Variants in SEC16B observed in about 807,000 individuals in gnomAD.
SEC16B encodes protein transport protein Sec16B.
SEC16B carries 115 observed loss-of-function variants against 141.8 expected under a neutral mutation model. The observed-to-expected ratio is 0.81, with a 90% CI of 0.70 to 0.95. SEC16B has a LOEUF of 0.95. Ranked by LOEUF, SEC16B falls within the 40% of genes least tolerant of loss-of-function variation. The pLI is 0.00. For missense variants in SEC16B, 1,291 were observed against 1,312.3 expected (o/e 0.98, Z 0.25); for synonymous variants, 493 against 492.5 (o/e 1.00, Z -0.01).
intron 17 of SEC16B, among the ~76,000 whole-genome samples, chr1:177,940,143 C>T (rs1462142263): frequency 6.6e-6 from 1 of 152,208 alleles, no homozygotes; most frequent in East Asian, 1.9e-4. Flanking sequence ...ATGGAGGAGG[C>T]CCTGTTCCAA....
chr1:177,974,596 T>A (rs1316537018), upstream of SEC16B, among the ~76,000 whole-genome samples: 1 of 136,556 alleles, frequency 7.3e-6, no homozygotes, highest in African/African-American at 3.0e-5. Context: ...ATTAAGAGGT[T>A]TGATGATCTT....
rs531546699 is a variant in SEC16B at position 177,952,191 on chromosome 1, C to T, written c.1464-196G>A. Among the ~76,000 whole-genome samples the T allele has an allele frequency of 2.6e-5, 4 of 152,344 alleles. No homozygotes were observed. The South Asian group carries it at 8.3e-4, about 32-fold the overall frequency. On this transcript the variant is annotated intron_variant, in intron 11 of 25. Transcript: ENST00000308284. ...ATGGCAGGATCCTCATTCTACCGCACACCCCAGCTAGATCTCATAGTTGAG... is the reference window on the plus strand; with the variant it reads ...ATGGCAGGATCCTCATTCTACCGCATACCCCAGCTAGATCTCATAGTTGAG...
At chr1:177,948,776 A>G (rs1403635554) in intron 12 of SEC16B, 1 of 989,708 alleles carries the variant, frequency 1.0e-6, no homozygotes, top group African/African-American at 1.7e-5. Context: ...AATGTCTCTG[A>G]ACCTTTGTTT....
intron 20 of SEC16B, among the ~76,000 whole-genome samples, chr1:177,935,360 T>C (rs10489882): frequency 0.35 from 53,765 of 152,008 alleles, 10,092 homozygotes; most frequent in Middle Eastern, 0.43. Flanking sequence ...TTTCATAAAA[T>C]CAATTTCGTC....
At position 177,966,027 on chromosome 1, in the gene SEC16B, T is replaced by A. The variant is rs758879913; in HGVS notation, c.300-22A>T. ...TGGCCTAAAATATCACAAAGAAGACTGGTCAGTTGAGGACAAGGGTAGTAA... is the reference window on the plus strand; with the variant it reads ...TGGCCTAAAATATCACAAAGAAGACAGGTCAGTTGAGGACAAGGGTAGTAA... On this transcript the variant is annotated intron_variant, in intron 2 of 25. Coordinates refer to ENST00000308284, the MANE Select transcript of SEC16B (RefSeq NM_033127.4). 1.2e-5 allele frequency: 18 copies of A among 1,442,870 alleles called. No individual in the cohort carries two copies. The Admixed American group carries it at 2.7e-4, about 22-fold the overall frequency. 89.4% of individuals were successfully genotyped at this position (1,442,870 alleles called of 1,614,324 possible). A position where few individuals can be genotyped will look rare whatever the true frequency, so the allele number is the denominator to read the frequency against.
In SEC16B at chr1:177,964,155, C is replaced by A. The variant is rs201534252; in HGVS notation, c.642+16G>T. 1.4e-5 allele frequency: 22 copies of A among 1,587,410 alleles called. No individual in the cohort carries two copies. In the South Asian group the frequency reaches 2.5e-4, roughly 18 times the overall value. On this transcript the variant is annotated intron_variant, in intron 5 of 25. Coordinates refer to ENST00000308284, the MANE Select transcript of SEC16B (RefSeq NM_033127.4). ...ACATGGCCACAGTCTCCAGCCCCCA[C>A]GTCACTTTAGGTTACCTTATTTTTC... is the stretch of plus-strand genomic sequence containing the variant.
intron 14 of SEC16B, 37 bp from the exon 15 acceptor site, chr1:177,944,703 G>A (rs1205883336): frequency 1.3e-6 from 2 of 1,549,790 alleles, no homozygotes; most frequent in Non-Finnish European, 1.8e-6. Context: ...AGATTGAGGT[G>A]TGGGGGACGC....
At chr1:177,959,307 T>G in intron 8 of SEC16B, 1 of 349,718 alleles carries the variant, frequency 2.9e-6, no homozygotes, top group Non-Finnish European at 5.5e-6. Context: ...CTTCTCTGTT[T>G]AGACAAGTTT....
At chr1:177,971,417 T>G (rs1295392342), upstream of SEC16B, 1 of 152,188 alleles carries the variant, frequency 6.6e-6, no homozygotes, top group African/African-American at 2.4e-5. Context: ...GCTGTGAAGT[T>G]TGGCTCTCTA....
intron 7 of SEC16B, 183 bp from the exon 8 acceptor site, chr1:177,960,586 C>T (rs1329469613): frequency 1.0e-5 from 7 of 697,426 alleles, no homozygotes; most frequent in Non-Finnish European, 1.7e-5. Context: ...TCAGGAAAAA[C>T]ACAACTGTAG....
At chr1:177,955,936 T>G (rs1254354566) in intron 10 of SEC16B, among the ~76,000 whole-genome samples, 1 of 152,164 alleles carries the variant, frequency 6.6e-6, no homozygotes, top group Non-Finnish European at 1.5e-5. Context: ...CTATAGGGGG[T>G]TTAGTTAAAT....
chr1:177,946,386 G>T, intron 14 of SEC16B, 34 bp downstream of exon 14: 1 of 1,437,640 alleles, frequency 7.0e-7, no homozygotes, highest in Non-Finnish European at 9.6e-7. Flanking sequence ...CTTGGAAAAT[G>T]TCCTTACTGT....
intron 2 of SEC16B, among the ~76,000 whole-genome samples, chr1:177,966,308 CACAT>C (rs1653515659): frequency 6.6e-6 from 1 of 151,864 alleles, no homozygotes; most frequent in African/African-American, 2.4e-5. Flanking sequence ...ACTCCCCAAA[CACAT>C]ACATATTATC....
chr1:177,971,298 T>G (rs1304118343), upstream of SEC16B: 1 of 152,150 alleles, frequency 6.6e-6, no homozygotes, highest in Non-Finnish European at 1.5e-5. Context: ...GCCAGGCTGG[T>G]CTCAAACTCC....
intron 11 of SEC16B, among the ~76,000 whole-genome samples, chr1:177,953,398 C>A (rs2101958112): frequency 6.6e-6 from 1 of 152,278 alleles, no homozygotes; most frequent in East Asian, 1.9e-4. Flanking sequence ...ACAGCTTTAA[C>A]CAGCACTAGA....
Position 177,958,240 on chromosome 1 carries a change from C to T in SEC16B, c.1257G>A (p.Leu419=). Residue 419 remains leucine (L), a synonymous_variant, in exon 10 of 26, where the codon CTG becomes CTA. Transcript: ENST00000308284. Reference sequence around the variant, plus strand: ...TGAGCAGGTTCGGGGTCCCAGAGCTCAGCACTGGCCAGTCCTCATCGGTCA... The same window carrying T: ...TGAGCAGGTTCGGGGTCCCAGAGCTTAGCACTGGCCAGTCCTCATCGGTCA... ...INLTDEDWPV[L]SSGTPNLLTG... 1 of 1,607,408 alleles carries T rather than the reference C, an allele frequency of 6.2e-7. No individual in the cohort carries two copies.
intron 15 of SEC16B, among the ~76,000 whole-genome samples, chr1:177,943,190 G>A (rs562247580): frequency 2.0e-5 from 3 of 152,170 alleles, no homozygotes; most frequent in African/African-American, 7.2e-5. Context: ...AGAAAGGAAA[G>A]AAAAAGAGAC....
chr1:177,980,462 A>G (rs1231290894), intron 1 of SEC16B, among the ~76,000 whole-genome samples: 2 of 152,168 alleles, frequency 1.3e-5, no homozygotes, highest in Non-Finnish European at 2.9e-5. Flanking sequence ...AAGGAACCCA[A>G]AACAGTTTGT....
At chr1:177,953,519 T>C (rs1652365285) in intron 11 of SEC16B, among the ~76,000 whole-genome samples, 1 of 152,180 alleles carries the variant, frequency 6.6e-6, no homozygotes, top group African/African-American at 2.4e-5. Flanking sequence ...CTGTGGATGC[T>C]AGGCGGAGCC....
Sources: allele counts gnomAD v4.1 joint callset (sites outside exome capture counted in the v4.1 genomes callset), GRCh38; gene constraint gnomAD v4.1.1; transcripts MANE v1.5; gene names NCBI Gene and HGNC (gene_info 2026-07-23, HGNC 2026-07-21).